Variants in AGBL4 observed in about 807,000 individuals in gnomAD.
AGBL4 encodes the protein AGBL carboxypeptidase 4.
Under a neutral mutation model 66.4 loss-of-function variants are expected in AGBL4, and 58 were observed. The observed-to-expected ratio is 0.87, with a 90% CI of 0.71 to 1.09. AGBL4 has a LOEUF of 1.09. Among genes scored for constraint, AGBL4 ranks in the 50% least tolerant of loss-of-function variants. The pLI, the probability that AGBL4 is intolerant of heterozygous loss-of-function variation, is 0.00. For synonymous variants in AGBL4, 234 were observed against 222.9 expected, an observed-to-expected ratio of 1.05 and a Z score of -0.44; for missense variants, 579 against 631.0, an observed-to-expected ratio of 0.92 and a Z score of 0.88.
chr1:49,654,639 A>G (rs1175248949), intron 3 of AGBL4, among the ~76,000 whole-genome samples: 1 of 152,174 alleles, frequency 6.6e-6, no homozygotes, highest in Non-Finnish European at 1.5e-5. Context: ...TGGGATAGTT[A>G]GCTCTTCTTG....
In AGBL4 at chr1:48,789,358, G is replaced by C. The variant is rs1645486031; in HGVS notation, c.634+77833C>G. 2.0e-5 allele frequency among the ~76,000 whole-genome samples: 3 copies of C among 151,138 alleles called. No individual in the cohort carries two copies. In the South Asian group the frequency reaches 6.3e-4, roughly 32 times the overall value. On this transcript the variant is annotated intron_variant, in intron 6 of 13. Transcript: ENST00000371839. ...GGCTGGAGTGCAGTGGCCCAATCTC[G>C]GCTCACTGCAAGCTCCGCCTCCTGG...
intron 3 of AGBL4, among the ~76,000 whole-genome samples, chr1:49,480,398 CT>C (rs1288621772): frequency 1.3e-5 from 2 of 151,602 alleles, no homozygotes; most frequent in Non-Finnish European, 2.9e-5. Flanking sequence ...TGATGCTGAG[CT>C]TTTTTTCATA....
chr1:48,964,665 C>T (rs993374389), intron 5 of AGBL4, among the ~76,000 whole-genome samples: 5 of 152,088 alleles, frequency 3.3e-5, no homozygotes, highest in African/African-American at 1.2e-4. Flanking sequence ...TTATCTACTG[C>T]CAAAAGCCAT....
chr1:49,928,227 G>A (rs1055929572), intron 1 of AGBL4, among the ~76,000 whole-genome samples: 7 of 151,956 alleles, frequency 4.6e-5, no homozygotes, highest in Non-Finnish European at 8.8e-5. Context: ...TGCTATTGGA[G>A]TACCTTTTTT....
chr1:49,688,198 C>T (rs1278072723), intron 3 of AGBL4, among the ~76,000 whole-genome samples: 1 of 152,190 alleles, frequency 6.6e-6, no homozygotes, highest in Admixed American at 6.5e-5. Context: ...CACTTCCACA[C>T]CCTCCCCACA....
chr1:48,778,135 ACATCCATCCATCCATCCATC>A lies in AGBL4; in HGVS notation c.634+89036_634+89055del, dbSNP rs34372698. 7.4e-5 allele frequency among the ~76,000 whole-genome samples: 11 copies of A among 148,716 alleles called. No homozygotes were observed. The East Asian group carries it at 1.4e-3, about 19-fold the overall frequency. On this transcript the variant is annotated intron_variant, in intron 6 of 13. Coordinates refer to ENST00000371839, the MANE Select transcript of AGBL4 (RefSeq NM_032785.4). ...GGTAAAGAAGAATAAATAAAAACCC[ACATCCATCCATCCATCCATC>A]CATCCATCCATCCATCCATCCATCC...
At chr1:49,073,790 A>G (rs1467498659) in intron 4 of AGBL4, among the ~76,000 whole-genome samples, 2 of 152,172 alleles carry the variant, frequency 1.3e-5, no homozygotes, top group Non-Finnish European at 2.9e-5. Context: ...TGCTGAGATA[A>G]CCACTGCTCT....
rs1449141651 is a variant in AGBL4 at position 49,944,826 on chromosome 1, T to C, written c.34+78937A>G. ...CCAAAAAAAACAATCATACAAGAAA[T>C]GAGGGGAGAAATCTTCAGTGAAATA... On this transcript the variant is annotated intron_variant, in intron 1 of 13. Transcript: ENST00000371839. Among the ~76,000 whole-genome samples, 13 of 150,594 alleles carry C rather than the reference T, an allele frequency of 8.6e-5. No homozygotes were observed. In the South Asian group the frequency reaches 2.5e-3, roughly 29 times the overall value.
intron 3 of AGBL4, among the ~76,000 whole-genome samples, chr1:49,511,566 T>C (rs554598562): frequency 2.0e-5 from 3 of 151,764 alleles, no homozygotes; most frequent in African/African-American, 7.2e-5. Flanking sequence ...GTAACTAACC[T>C]GCACAATGTG....
At chr1:49,472,795 G>T (rs1328192027) in intron 3 of AGBL4, among the ~76,000 whole-genome samples, 1 of 151,980 alleles carries the variant, frequency 6.6e-6, no homozygotes, top group African/African-American at 2.4e-5. Context: ...CCAGTAGGTA[G>T]TTTTTCAGCC....
At chr1:49,093,588 T>C (rs186699534) in intron 4 of AGBL4, among the ~76,000 whole-genome samples, 139 of 152,324 alleles carry the variant, frequency 9.1e-4, no homozygotes, top group Middle Eastern at 6.8e-3. Context: ...CTAAAAATTA[T>C]GTTCACATTG....
chr1:48,884,962 G>C (rs941589527), intron 5 of AGBL4, among the ~76,000 whole-genome samples: 1 of 132,128 alleles, frequency 7.6e-6, no homozygotes, highest in Non-Finnish European at 1.6e-5. Context: ...GAATGACAAA[G>C]AGAGAGAGGC....
intron 1 of AGBL4, among the ~76,000 whole-genome samples, chr1:50,008,414 C>T (rs982571685): frequency 2.0e-5 from 3 of 152,012 alleles, no homozygotes; most frequent in Non-Finnish European, 4.4e-5. Flanking sequence ...TCCTAAATGA[C>T]CAGTGAGTCA....
chr1:48,788,696 A>C (rs941563596), intron 6 of AGBL4, among the ~76,000 whole-genome samples: 1 of 152,040 alleles, frequency 6.6e-6, no homozygotes, highest in Non-Finnish European at 1.5e-5. Context: ...TTATGTCCTA[A>C]TTCTTCTGGG....
At chr1:49,948,131 A>C (rs374935614) in intron 1 of AGBL4, among the ~76,000 whole-genome samples, 4 of 102,194 alleles carry the variant, frequency 3.9e-5, no homozygotes, top group Non-Finnish European at 6.9e-5. Context: ...AATATATATA[A>C]ATATATGTAA....
Position 49,392,399 on chromosome 1 carries a change from C to T in AGBL4, c.283-146535G>A, listed in dbSNP as rs886930664. ...TGGAAAACACAGTTAAGCCAGGAAC[C>T]GTGTTTCTCAGAATGACTTTTGCTA... On this transcript the variant is annotated intron_variant, in intron 3 of 13. Transcript: ENST00000371839. Among the ~76,000 whole-genome samples the T allele has an allele frequency of 2.0e-5, 3 of 152,126 alleles. 1 individual carries two copies. Among genetic ancestry groups the T allele is most frequent in the South Asian group, 4.1e-4 (2 of 4,830 alleles).
intron 9 of AGBL4, among the ~76,000 whole-genome samples, chr1:48,594,301 G>A (rs748446605): frequency 6.6e-6 from 1 of 152,076 alleles, no homozygotes; most frequent in Non-Finnish European, 1.5e-5. Context: ...TCTGGCCTGG[G>A]CAACAAGAGT....
chr1:49,687,232 A>G (rs1337379426), intron 3 of AGBL4, among the ~76,000 whole-genome samples: 1 of 152,224 alleles, frequency 6.6e-6, no homozygotes, highest in Non-Finnish European at 1.5e-5. Flanking sequence ...GGACAAAACC[A>G]CAGTTGGAAG....
chr1:48,719,724 A>C (rs1479046016), intron 6 of AGBL4, among the ~76,000 whole-genome samples: 3 of 152,224 alleles, frequency 2.0e-5, no homozygotes, highest in Non-Finnish European at 2.9e-5. Flanking sequence ...TCTATGTGCT[A>C]GGTATAGTTA....
Sources: allele counts gnomAD v4.1 joint callset (sites outside exome capture counted in the v4.1 genomes callset), GRCh38; gene constraint gnomAD v4.1.1; transcripts MANE v1.5; gene names NCBI Gene and HGNC (gene_info 2026-07-23, HGNC 2026-07-21).